The following PTPRD variants were observed in gnomAD, a reference collection of about 807,000 sequenced individuals.
PTPRD encodes protein tyrosine phosphatase receptor type D.
A neutral mutation model predicts 214.5 loss-of-function variants in PTPRD; 34 were observed. That is an observed-to-expected ratio of 0.16 (90% confidence interval 0.12 to 0.21). PTPRD has a LOEUF of 0.21. Ranked by LOEUF, PTPRD falls within the 10% of genes least tolerant of loss-of-function variation. PTPRD has a pLI of 1.00. For missense variants in PTPRD, 2,545 were observed against 2,398.7 expected (o/e 1.06, Z -1.27); for synonymous variants, 1,128 against 845.7 (o/e 1.33, Z -5.79).
intron 14 of PTPRD, among the ~76,000 whole-genome samples, chr9:8,570,717 C>A (rs1271203666): frequency 1.3e-5 from 2 of 152,048 alleles, no homozygotes; most frequent in Non-Finnish European, 2.9e-5. Flanking sequence ...CAGATCTGCT[C>A]TTAAAATATC....
At chr9:10,019,466 A>G (rs2096798081) in intron 4 of PTPRD, among the ~76,000 whole-genome samples, 1 of 151,846 alleles carries the variant, frequency 6.6e-6, no homozygotes, top group South Asian at 2.1e-4. Flanking sequence ...TGCTATAAAG[A>G]CACATGCACA....
At chr9:9,047,706 T>A (rs1375932316) in intron 10 of PTPRD, among the ~76,000 whole-genome samples, 1 of 152,092 alleles carries the variant, frequency 6.6e-6, no homozygotes, top group Non-Finnish European at 1.5e-5. Context: ...TGCAGAAGAA[T>A]TAATCTAGAC....
At chr9:9,318,401 A>C (rs1964566186) in intron 9 of PTPRD, among the ~76,000 whole-genome samples, 1 of 152,124 alleles carries the variant, frequency 6.6e-6, no homozygotes, top group Admixed American at 6.6e-5. Flanking sequence ...TCAAATAAAG[A>C]AGACTATAAA....
intron 3 of PTPRD, among the ~76,000 whole-genome samples, chr9:10,051,083 A>T (rs2097527854): frequency 6.6e-6 from 1 of 152,196 alleles, no homozygotes; most frequent in Non-Finnish European, 1.5e-5. Flanking sequence ...CACATAAAAA[A>T]GAAAAAAATG....
chr9:9,925,923 G>C (rs956861040), intron 5 of PTPRD, among the ~76,000 whole-genome samples: 1 of 151,960 alleles, frequency 6.6e-6, no homozygotes, highest in Non-Finnish European at 1.5e-5. Flanking sequence ...TGAACTCCTG[G>C]GCTAAAGAGA....
intron 10 of PTPRD, among the ~76,000 whole-genome samples, chr9:9,144,738 G>C (rs962849947): frequency 5.3e-5 from 8 of 152,028 alleles, no homozygotes; most frequent in Admixed American, 1.3e-4. Context: ...AGGCGACAGA[G>C]CGAGACTCTG....
At chr9:10,516,404 A>T (rs2050128074) in intron 2 of PTPRD, among the ~76,000 whole-genome samples, 1 of 151,792 alleles carries the variant, frequency 6.6e-6, no homozygotes, top group African/African-American at 2.4e-5. Context: ...CCCTTAGCTC[A>T]TTTTTTAATG....
At position 9,617,344 on chromosome 9, in the gene PTPRD, A is replaced by G. The variant is rs531012790; in HGVS notation, c.-286-42563T>C. Among the ~76,000 whole-genome samples the G allele has an allele frequency of 1.8e-4, 28 of 152,302 alleles. No homozygotes were observed. The South Asian group carries it at 2.3e-3, about 12-fold the overall frequency. Reference sequence around the variant, plus strand: ...ATTGGAGGTAGAGTTATGAAAAGATAATGTACCAACAGAAGAGCTGATTGT... The same window carrying G: ...ATTGGAGGTAGAGTTATGAAAAGATGATGTACCAACAGAAGAGCTGATTGT... On this transcript the variant is annotated intron_variant, in intron 7 of 45. Transcript: ENST00000381196.
chr9:8,742,567 TG>T (rs1324790701), intron 11 of PTPRD, among the ~76,000 whole-genome samples: 1 of 149,478 alleles, frequency 6.7e-6, no homozygotes, highest in African/African-American at 2.6e-5. Context: ...CTATTTTATT[TG>T]TTTTAGCCCT....
intron 7 of PTPRD, among the ~76,000 whole-genome samples, chr9:9,729,007 C>T (rs2098139371): frequency 6.6e-6 from 1 of 151,986 alleles, no homozygotes; most frequent in Non-Finnish European, 1.5e-5. Flanking sequence ...TGGTAAAAGT[C>T]AGGAGAGAAT....
intron 11 of PTPRD, among the ~76,000 whole-genome samples, chr9:8,774,614 A>G (rs1327307599): frequency 7.2e-6 from 1 of 138,170 alleles, no homozygotes; most frequent in African/African-American, 2.7e-5. Context: ...GGCCCACTGC[A>G]ACCTCCGCCT....
intron 2 of PTPRD, among the ~76,000 whole-genome samples, chr9:10,486,850 TTTC>T (rs2099136091): frequency 6.6e-6 from 1 of 152,168 alleles, no homozygotes; most frequent in African/African-American, 2.4e-5. Flanking sequence ...AAACTTGATG[TTTC>T]TTCATTGATT....
chr9:9,180,122 A>G (rs1197540469), intron 10 of PTPRD, among the ~76,000 whole-genome samples: 1 of 151,836 alleles, frequency 6.6e-6, no homozygotes, highest in Non-Finnish European at 1.5e-5. Flanking sequence ...ATTAAAAATC[A>G]TGCTGCTATG....
At chr9:9,402,979 A>AAAAC (rs2071373909) in intron 8 of PTPRD, among the ~76,000 whole-genome samples, 1 of 144,120 alleles carries the variant, frequency 6.9e-6, no homozygotes, top group African/African-American at 2.6e-5. Context: ...AAAAAAAAAA[A>AAAAC]AAAAAAAAAA....
intron 3 of PTPRD, among the ~76,000 whole-genome samples, chr9:10,233,959 A>C (rs1406588807): frequency 6.6e-6 from 1 of 151,806 alleles, no homozygotes; most frequent in Non-Finnish European, 1.5e-5. Flanking sequence ...TTTATTCTTA[A>C]TAACCACCCA....
chr9:9,958,885 A>G (rs1443243408), intron 4 of PTPRD, among the ~76,000 whole-genome samples: 1 of 152,190 alleles, frequency 6.6e-6, no homozygotes, highest in Non-Finnish European at 1.5e-5. Context: ...TGCTAGTGAG[A>G]ATGTAGGGCA....
chr9:8,338,757 G>A (rs1022374459), intron 43 of PTPRD, among the ~76,000 whole-genome samples, 165 bp downstream of exon 43: 4 of 141,714 alleles, frequency 2.8e-5, no homozygotes, highest in Non-Finnish European at 4.6e-5. Context: ...CAGAGGAAAA[G>A]TTACTCTTAC....
chr9:8,514,743 T>C (rs1324352151), intron 21 of PTPRD, among the ~76,000 whole-genome samples: 1 of 152,144 alleles, frequency 6.6e-6, no homozygotes, highest in Non-Finnish European at 1.5e-5. Context: ...AAATTATTAA[T>C]TTAAAAGGTA....
intron 11 of PTPRD, among the ~76,000 whole-genome samples, chr9:8,745,784 T>TTCTCTC (rs60391748): frequency 7.1e-4 from 105 of 148,826 alleles, no homozygotes; most frequent in Admixed American, 1.7e-3. Context: ...TTTATGGAGT[T>TTCTCTC]TCTCTCTCTC....
Sources: gnomAD v4.1 joint callset for allele counts (sites outside exome capture counted in the v4.1 genomes callset) on GRCh38, gnomAD v4.1.1 for gene constraint, MANE v1.5 for transcripts, NCBI Gene and HGNC (gene_info 2026-07-23, HGNC 2026-07-21) for gene names.